The following CPNE4 variants were observed in gnomAD, a reference collection of about 807,000 sequenced individuals.
CPNE4 encodes copine 4.
Under a neutral mutation model 67.9 loss-of-function variants are expected in CPNE4, and 25 were observed. That is an observed-to-expected ratio of 0.37 (90% CI 0.27 to 0.51). CPNE4 has a LOEUF of 0.51. Among genes scored for constraint, CPNE4 ranks in the 20% least tolerant of loss-of-function variants. The pLI, the probability that CPNE4 is intolerant of heterozygous loss-of-function variation, is 0.93. For missense variants in CPNE4, 464 were observed against 690.8 expected (o/e 0.67, Z 3.68); for synonymous variants, 242 against 244.9 (o/e 0.99, Z 0.11).
intron 3 of CPNE4, among the ~76,000 whole-genome samples, chr3:131,718,247 C>T (rs1198287322): frequency 1.3e-5 from 2 of 151,994 alleles, no homozygotes; most frequent in Non-Finnish European, 1.5e-5. Flanking sequence ...CCAGCCTCAG[C>T]GTGCTTGGAT....
chr3:131,543,510 A>T (rs1016058738), intron 14 of CPNE4, among the ~76,000 whole-genome samples: 10 of 152,224 alleles, frequency 6.6e-5, no homozygotes, highest in African/African-American at 2.2e-4. Context: ...CCAAATTGAC[A>T]TGCTGTAAGT....
At chr3:131,593,307 C>CATTT (rs1377654087) in intron 7 of CPNE4, among the ~76,000 whole-genome samples, 1 of 152,038 alleles carries the variant, frequency 6.6e-6, no homozygotes, top group Non-Finnish European at 1.5e-5. Context: ...AAGGTCTTTC[C>CATTT]ATTTATTTGT....
intron 2 of CPNE4, among the ~76,000 whole-genome samples, chr3:131,876,502 T>C (rs4854628): frequency 0.98 from 148,395 of 151,396 alleles, 72,819 homozygotes; most frequent in Middle Eastern, 1. Flanking sequence ...ATTAGCCAGA[T>C]GTGGTGGCGG....
At chr3:131,539,550 T>C (rs1935359394) in intron 15 of CPNE4, among the ~76,000 whole-genome samples, 1 of 152,212 alleles carries the variant, frequency 6.6e-6, no homozygotes, top group Non-Finnish European at 1.5e-5. Flanking sequence ...GGTTCTATCA[T>C]TTCATTGTGG....
chr3:131,728,379 A>C (rs2082047176), intron 2 of CPNE4, among the ~76,000 whole-genome samples: 1 of 152,176 alleles, frequency 6.6e-6, no homozygotes, highest in African/African-American at 2.4e-5. Context: ...ATGTGAACCT[A>C]TGTAGTTAAG....
At chr3:131,717,802 G>A (rs530201006) in intron 3 of CPNE4, among the ~76,000 whole-genome samples, 6 of 152,078 alleles carry the variant, frequency 3.9e-5, no homozygotes, top group South Asian at 4.2e-4. Context: ...GCCATCCACC[G>A]TTTATGGGGA....
chr3:131,644,987 G>C (rs1281404162), intron 7 of CPNE4, among the ~76,000 whole-genome samples: 1 of 152,204 alleles, frequency 6.6e-6, no homozygotes, highest in Admixed American at 6.5e-5. Context: ...AAAAGCTTCT[G>C]ATGAACTGGA....
At chr3:131,717,022 T>C (rs919797262) in intron 3 of CPNE4, among the ~76,000 whole-genome samples, 1 of 152,256 alleles carries the variant, frequency 6.6e-6, no homozygotes, top group African/African-American at 2.4e-5. Context: ...CTTTTTACTC[T>C]GGAGTTTTAA....
intron 1 of CPNE4, among the ~76,000 whole-genome samples, chr3:131,991,003 T>C (rs1227301311): frequency 7.3e-6 from 1 of 136,062 alleles, no homozygotes; most frequent in African/African-American, 2.5e-5. Context: ...TATGTTTGCT[T>C]CCCCTTCCAC....
intron 9 of CPNE4, among the ~76,000 whole-genome samples, chr3:131,579,419 T>C: frequency 6.6e-6 from 1 of 152,220 alleles, no homozygotes; most frequent in East Asian, 1.9e-4. Flanking sequence ...AATATCCTAT[T>C]CTGCACCCCA....
chr3:131,585,665 G>A (rs1357652120), intron 8 of CPNE4, among the ~76,000 whole-genome samples: 5 of 152,120 alleles, frequency 3.3e-5, no homozygotes, highest in African/African-American at 1.2e-4. Flanking sequence ...AAGTGGATAA[G>A]GCAAAACTTT....
chr3:131,703,127 C>T (rs1195307860), intron 3 of CPNE4, among the ~76,000 whole-genome samples: 1 of 152,188 alleles, frequency 6.6e-6, no homozygotes, highest in East Asian at 1.9e-4. Flanking sequence ...GCAAATCCCA[C>T]TTATCATGTA....
chr3:131,595,354 G>A (rs759108888), intron 7 of CPNE4, among the ~76,000 whole-genome samples: 10 of 152,108 alleles, frequency 6.6e-5, no homozygotes, highest in Non-Finnish European at 1.3e-4. Context: ...AGAAAATGTG[G>A]TGCATATACA....
At chr3:131,939,196 T>C (rs74525813) in intron 1 of CPNE4, among the ~76,000 whole-genome samples, 4,090 of 152,226 alleles carry the variant, frequency 0.027, 201 homozygotes, top group African/African-American at 0.093. Context: ...TTATAAACAA[T>C]CTAAAATCCA....
intron 1 of CPNE4, among the ~76,000 whole-genome samples, chr3:132,023,878 G>T (rs890414660): frequency 6.6e-6 from 1 of 152,106 alleles, no homozygotes; most frequent in South Asian, 2.1e-4. Flanking sequence ...ATGTTTAGGA[G>T]GAGATGAGAA....
intron 1 of CPNE4, among the ~76,000 whole-genome samples, chr3:131,914,908 G>A (rs144791488): frequency 0.026 from 3,963 of 152,186 alleles, 177 homozygotes; most frequent in African/African-American, 0.089. Flanking sequence ...CCCAGGAGGC[G>A]GAGTTTGCAG....
chr3:131,677,722 G>A (rs192085898), intron 6 of CPNE4, among the ~76,000 whole-genome samples: 11 of 152,220 alleles, frequency 7.2e-5, no homozygotes, highest in Admixed American at 7.2e-4. Context: ...TGTCAGGTTT[G>A]TTGAAGATCA....
chr3:131,974,564 G>C (rs558050238), intron 1 of CPNE4, among the ~76,000 whole-genome samples: 1 of 152,090 alleles, frequency 6.6e-6, no homozygotes, highest in Non-Finnish European at 1.5e-5. Context: ...TGAGAAAAGG[G>C]CCAACTCAAA....
intron 2 of CPNE4, among the ~76,000 whole-genome samples, chr3:131,741,725 C>T (rs1184367959): frequency 1.3e-5 from 2 of 152,170 alleles, no homozygotes; most frequent in Non-Finnish European, 2.9e-5. Flanking sequence ...GCAACTTTGC[C>T]AAAACAGTTG....
Sources: gnomAD v4.1 joint callset for allele counts (sites outside exome capture counted in the v4.1 genomes callset) on GRCh38, gnomAD v4.1.1 for gene constraint, MANE v1.5 for transcripts, NCBI Gene and HGNC (gene_info 2026-07-23, HGNC 2026-07-21) for gene names.